FRMD4A: variants seen among roughly 807,000 people sequenced by gnomAD.
FRMD4A encodes the protein FERM domain-containing protein 4A.
In FRMD4A, 29 loss-of-function variants were observed where a neutral mutation model predicts 129.1. The ratio of observed to expected loss-of-function variants is 0.22; its 90% CI spans 0.17 to 0.31. The LOEUF is 0.31. FRMD4A is among the 10% of genes least tolerant of loss of function. The probability of loss-of-function intolerance (pLI) is 1.00; values close to 1 mark genes in which losing one functional copy is unlikely to be tolerated. For synonymous variants in FRMD4A, 634 were observed against 571.6 expected, an observed-to-expected ratio of 1.11 and a Z score of -1.56; for missense variants, 1,272 against 1,375.8, an observed-to-expected ratio of 0.92 and a Z score of 1.19.
chr10:13,895,420 C>CT (rs537290376), intron 2 of FRMD4A, among the ~76,000 whole-genome samples: 230 of 152,188 alleles, frequency 1.5e-3, no homozygotes, highest in African/African-American at 5.2e-3. Flanking sequence ...TGATCTCATT[C>CT]TTTTTTTATG....
chr10:14,303,147 C>T (rs1369637902), intron 2 of FRMD4A, among the ~76,000 whole-genome samples: 1 of 152,132 alleles, frequency 6.6e-6, no homozygotes, highest in African/African-American at 2.4e-5. Context: ...TTCAAGGCAA[C>T]CCAATCAGAA....
intron 2 of FRMD4A, among the ~76,000 whole-genome samples, chr10:14,268,778 A>AGC (rs2132043418): frequency 6.6e-6 from 1 of 152,010 alleles, no homozygotes; most frequent in African/African-American, 2.4e-5. Context: ...CTAAGCCAAT[A>AGC]GCCAATAGAG....
intron 2 of FRMD4A, among the ~76,000 whole-genome samples, chr10:13,963,075 T>C (rs908412775): frequency 6.6e-6 from 1 of 152,204 alleles, no homozygotes; most frequent in Non-Finnish European, 1.5e-5. Context: ...TCCGTGTCAA[T>C]TTAAGAAAGT....
At chr10:14,185,455 A>C (rs903245336) in intron 2 of FRMD4A, among the ~76,000 whole-genome samples, 16 of 152,362 alleles carry the variant, frequency 1.1e-4, no homozygotes, top group African/African-American at 2.6e-4. Context: ...TCGTGGCAGA[A>C]ATTAGTACAA....
intron 2 of FRMD4A, among the ~76,000 whole-genome samples, chr10:14,200,259 C>G (rs752136685): frequency 4.0e-5 from 6 of 150,580 alleles, no homozygotes; most frequent in Non-Finnish European, 8.9e-5. Context: ...GGGATGGACT[C>G]AGGGTTGGAA....
At chr10:14,132,293 A>G (rs1317160323) in intron 2 of FRMD4A, among the ~76,000 whole-genome samples, 2 of 152,140 alleles carry the variant, frequency 1.3e-5, no homozygotes, top group Non-Finnish European at 2.9e-5. Flanking sequence ...TTCTCAAAAA[A>G]CAAAAACAAA....
chr10:13,747,106 C>G (rs1041424870), intron 9 of FRMD4A, among the ~76,000 whole-genome samples: 1 of 151,600 alleles, frequency 6.6e-6, no homozygotes, highest in Admixed American at 6.6e-5. Context: ...ACTCTAGCAG[C>G]ACATGAAAGG....
intron 2 of FRMD4A, among the ~76,000 whole-genome samples, chr10:14,305,915 T>A (rs1439136829): frequency 2.6e-5 from 4 of 152,142 alleles, no homozygotes; most frequent in African/African-American, 9.7e-5. Flanking sequence ...AAGTGGGAGC[T>A]GAATTATGAG....
At chr10:13,902,264 C>A (rs987230053) in intron 2 of FRMD4A, among the ~76,000 whole-genome samples, 3 of 152,114 alleles carry the variant, frequency 2.0e-5, no homozygotes, top group Admixed American at 6.5e-5. Context: ...GATCCTCATG[C>A]CTTGGCCTCC....
intron 2 of FRMD4A, among the ~76,000 whole-genome samples, chr10:14,110,125 T>TAAAA (rs1554761010): frequency 2.2e-5 from 2 of 89,520 alleles, no homozygotes; most frequent in African/African-American, 9.3e-5. Context: ...CGAGATGCTG[T>TAAAA]AAAAAAAAAA....
chr10:13,788,465 G>A (rs111359946), intron 5 of FRMD4A, among the ~76,000 whole-genome samples: 1 of 152,214 alleles, frequency 6.6e-6, no homozygotes, highest in African/African-American at 2.4e-5. Context: ...GCGTGGCATG[G>A]TGTGGCCCCT....
intron 9 of FRMD4A, among the ~76,000 whole-genome samples, chr10:13,740,889 CG>C (rs2090960947): frequency 7.6e-6 from 1 of 130,946 alleles, no homozygotes; most frequent in South Asian, 2.3e-4. Flanking sequence ...TGCAATGGTG[CG>C]ATCTTGGTTC....
chr10:13,707,360 T>C (rs927816031), intron 12 of FRMD4A: 7 of 1,206,456 alleles, frequency 5.8e-6, no homozygotes, highest in African/African-American at 1.5e-5. Flanking sequence ...ACAAAACAAG[T>C]TCTTTTCAAG....
chr10:14,038,641 A>C (rs914262079), intron 2 of FRMD4A, among the ~76,000 whole-genome samples: 1 of 152,216 alleles, frequency 6.6e-6, no homozygotes, highest in Admixed American at 6.5e-5. Flanking sequence ...AAATCTACCA[A>C]GCTCAGAAAC....
chr10:13,986,585 C>A (rs1283151994), intron 2 of FRMD4A, among the ~76,000 whole-genome samples: 23 of 144,344 alleles, frequency 1.6e-4, no homozygotes, highest in Non-Finnish European at 2.4e-4. Context: ...CAGCATGGCA[C>A]ATGTATACAT....
At chr10:14,111,708 G>A (rs578141535) in intron 2 of FRMD4A, among the ~76,000 whole-genome samples, 58 of 152,140 alleles carry the variant, frequency 3.8e-4, no homozygotes, top group Middle Eastern at 3.4e-3. Flanking sequence ...AATAAGCCAT[G>A]ATCCTGGCAG....
At chr10:13,886,322 C>T (rs2094620569) in intron 2 of FRMD4A, among the ~76,000 whole-genome samples, 1 of 152,124 alleles carries the variant, frequency 6.6e-6, no homozygotes, top group South Asian at 2.1e-4. Flanking sequence ...AGGCTAATCC[C>T]ACAGGAAATT....
intron 20 of FRMD4A, 86 bp downstream of exon 20, chr10:13,660,230 A>C: frequency 2.3e-6 from 2 of 860,506 alleles, no homozygotes; most frequent in Non-Finnish European, 3.8e-6. Context: ...GGATTTTGTC[A>C]CCGTGGATGC....
At chr10:14,245,114 G>A (rs1426283260) in intron 2 of FRMD4A, among the ~76,000 whole-genome samples, 1 of 152,186 alleles carries the variant, frequency 6.6e-6, no homozygotes, top group Non-Finnish European at 1.5e-5. Context: ...CTCATCACAA[G>A]CTTGCTCATG....
Sources: allele counts gnomAD v4.1 joint callset (sites outside exome capture counted in the v4.1 genomes callset), GRCh38; gene constraint gnomAD v4.1.1; transcripts MANE v1.5; gene names NCBI Gene and HGNC (gene_info 2026-07-23, HGNC 2026-07-21).